Variants in CAGE1 observed in about 807,000 individuals in gnomAD.
CAGE1 encodes the protein cancer antigen 1.
A neutral mutation model predicts 94.9 loss-of-function variants in CAGE1; 66 were observed. The observed-to-expected ratio is 0.70, with a 90% CI of 0.57 to 0.85. The LOEUF is 0.85. Among genes scored for constraint, CAGE1 ranks in the 40% least tolerant of loss-of-function variants. The pLI is 0.00. For missense variants in CAGE1, 865 were observed against 950.4 expected (o/e 0.91, Z 1.18); for synonymous variants, 319 against 321.0 (o/e 0.99, Z 0.07).
intron 3 of CAGE1, 66 bp downstream of exon 3, chr6:7,385,719 G>T: frequency 1.1e-6 from 1 of 879,198 alleles, no homozygotes; most frequent in Non-Finnish European, 1.7e-6. Context: ...CCTGGCTATT[G>T]TTACTATCAC....
At chr6:7,341,901 C>T (rs143762436) in intron 11 of CAGE1, 8,267 of 695,418 alleles carry the variant, frequency 0.012, 71 homozygotes, top group Non-Finnish European at 0.017. Flanking sequence ...AATCAGGGTA[C>T]TGCAGCAAGA....
intron 3 of CAGE1, among the ~76,000 whole-genome samples, chr6:7,379,252 T>A (rs1289445116): frequency 6.6e-6 from 1 of 152,254 alleles, no homozygotes; most frequent in Non-Finnish European, 1.5e-5. Flanking sequence ...GTGTGTTATA[T>A]GTAATTCTGG....
chr6:7,347,821 G>A (rs1170663820), intron 11 of CAGE1, among the ~76,000 whole-genome samples: 3 of 152,090 alleles, frequency 2.0e-5, no homozygotes, highest in Non-Finnish European at 2.9e-5. Flanking sequence ...CGAACAACCT[G>A]CATGACTCAG....
chr6:7,332,684 AG>A (rs1464493434), intron 12 of CAGE1, among the ~76,000 whole-genome samples: 2 of 152,228 alleles, frequency 1.3e-5, no homozygotes, highest in African/African-American at 4.8e-5. Context: ...TAGGTAAAAG[AG>A]GTAGAATTAC....
At chr6:7,369,237 ACCTCAGGTGATCTGCCCG>A (rs1760460193) in intron 6 of CAGE1, among the ~76,000 whole-genome samples, 1 of 151,944 alleles carries the variant, frequency 6.6e-6, no homozygotes, top group South Asian at 2.1e-4. Context: ...CGAACTCCTG[ACCTCAGGTGATCTGCCCG>A]CCTCGGCCTC....
At chr6:7,345,449 T>C (rs979713114) in intron 11 of CAGE1, among the ~76,000 whole-genome samples, 14 of 152,178 alleles carry the variant, frequency 9.2e-5, no homozygotes, top group African/African-American at 3.1e-4. Flanking sequence ...ATTCTTGAAG[T>C]GAGACCAAGT....
In CAGE1 at chr6:7,365,493, C is replaced by T. The variant is rs1236442971; in HGVS notation, c.2168G>A (p.Ser723Asn). The change falls in exon 9 of 14, where the codon AGT becomes AAT. Residue 723 changes from serine to asparagine, a missense_variant. Transcript: ENST00000502583. The stretch of plus-strand genomic sequence containing the variant: ...CAAGAAATCAAGCTCCTCATTTAGA[C>T]TGTGGTACTTATCCAGTTTGGCTCC... The part of the protein sequence containing the change: ...LLGAKLDKYH[S>N]LNEELDFLIT... 6 of 1,613,288 alleles carry T rather than the reference C, an allele frequency of 3.7e-6. No homozygotes were observed. The African/African-American group carries it at 8.0e-5, about 22-fold the overall frequency.
intron 11 of CAGE1, chr6:7,342,159 A>G: frequency 9.8e-7 from 1 of 1,017,636 alleles, no homozygotes; most frequent in Non-Finnish European, 1.6e-6. Context: ...GAACTGGATC[A>G]GGCTGCCTGG....
At chr6:7,340,311 T>C (rs1031580821) in intron 11 of CAGE1, among the ~76,000 whole-genome samples, 4 of 152,246 alleles carry the variant, frequency 2.6e-5, no homozygotes, top group Non-Finnish European at 5.9e-5. Flanking sequence ...AGATTCTGTA[T>C]ATTAGCCCTT....
In CAGE1 at chr6:7,387,029, G is replaced by A. The variant is rs912795139; in HGVS notation, c.145C>T (p.His49Tyr). The change falls in exon 2 of 14, where the codon CAT (histidine) becomes TAT (tyrosine). Residue 49 changes from histidine (H) to tyrosine (Y), a missense_variant. His to Tyr is a moderately conservative substitution (Grantham distance 83). Coordinates refer to ENST00000502583, the MANE Select transcript of CAGE1 (RefSeq NM_001170692.2). ...GTGGTTTCCATACAGATTGGAGAATGTGAAAGCATTACACCTTGAGAAAGA... is the reference window on the plus strand; with the variant it reads ...GTGGTTTCCATACAGATTGGAGAATATGAAAGCATTACACCTTGAGAAAGA... ...SNLSQGVMLS[H>Y]SPICMETTGT... 5 of 1,551,944 alleles carry A rather than the reference G, an allele frequency of 3.2e-6. No individual in the cohort carries two copies. In the African/African-American group the frequency reaches 4.1e-5, roughly 13 times the overall value.
intron 13 of CAGE1, chr6:7,329,363 A>G (rs1348564906): frequency 1.5e-5 from 5 of 339,972 alleles, no homozygotes; most frequent in Non-Finnish European, 5.3e-6. Context: ...AGTGAACGGT[A>G]AGACTGGATA....
Position 7,339,987 on chromosome 6 carries a change from C to CT in CAGE1, c.2370-5898dup, listed in dbSNP as rs1339309799. ...AGTTCTACTTTTAGTTCTTTAAAGA[C>CT]TTTCCACACTGTTTTCCACAGTGGT... On this transcript the variant is annotated intron_variant, in intron 11 of 13. Transcript: ENST00000502583. The surrounding 1 kb of genome is among the most constrained non-coding windows in gnomAD (Gnocchi z 4.7). Among the ~76,000 whole-genome samples, 7 of 152,222 alleles carry CT rather than the reference C, an allele frequency of 4.6e-5. No individual in the cohort carries two copies. The highest frequency in any genetic ancestry group is 1.7e-4 in the African/African-American group (7 of 41,464).
chr6:7,373,214 C>T lies in CAGE1; in HGVS notation c.1605G>A (p.Gln535=). 6.2e-7 allele frequency: 1 copy of T among 1,611,798 alleles called. No individual in the cohort carries two copies. Among genetic ancestry groups the T allele is most frequent in the Non-Finnish European group, 8.5e-7 (1 of 1,178,678 alleles). Residue 535 remains glutamine (Q), a synonymous_variant, in exon 5 of 14, where the codon CAG becomes CAA. Transcript: ENST00000502583. ...TCTCATTTTTTACTTCGTTGATTTG[C>T]TGCTGAAGTTTTATATTCTTCGTTC... is the stretch of plus-strand genomic sequence containing the variant. ...NERTKNIKLQ[Q]QINEVKNENA... is the part of the protein sequence containing the mutation.
At chr6:7,344,029 A>C (rs1471426266) in intron 11 of CAGE1, among the ~76,000 whole-genome samples, 2 of 152,246 alleles carry the variant, frequency 1.3e-5, no homozygotes, top group Admixed American at 1.3e-4. Flanking sequence ...TAAGTGTTAG[A>C]AAGTGGTGAG....
chr6:7,346,117 A>G (rs1347568373), intron 11 of CAGE1, among the ~76,000 whole-genome samples: 2 of 152,248 alleles, frequency 1.3e-5, no homozygotes, highest in Non-Finnish European at 2.9e-5. Context: ...CAAGAAATAA[A>G]GGAATAAAAG....
In CAGE1 at chr6:7,370,038, G is replaced by A; in HGVS notation, c.1774C>T (p.Leu592Phe). 6.2e-7 allele frequency: 1 copy of A among 1,612,364 alleles called. No individual in the cohort carries two copies. Among genetic ancestry groups the A allele is most frequent in the South Asian group, 1.1e-5 (1 of 90,704 alleles). ...KDTKTTHSNL[L>F]PDCSPCEERL... The stretch of plus-strand genomic sequence containing the variant: ...TCTTCACAAGGTGAGCAATCCGGGA[G>A]CAGATTAGAATGTGTCGTTTTTGTA... Residue 592 changes from leucine (L) to phenylalanine (F), a missense_variant, in exon 6 of 14, where the codon CTC becomes TTC. Transcript: ENST00000502583.
At chr6:7,345,221 G>C (rs551807945) in intron 11 of CAGE1, among the ~76,000 whole-genome samples, 1 of 148,860 alleles carries the variant, frequency 6.7e-6, no homozygotes, top group East Asian at 2.0e-4. Context: ...GTTAGTATAA[G>C]CTACCAGCCT....
chr6:7,346,274 G>A (rs1284874507), intron 11 of CAGE1, among the ~76,000 whole-genome samples: 3 of 152,192 alleles, frequency 2.0e-5, no homozygotes, highest in African/African-American at 7.2e-5. Flanking sequence ...AGTAAATCAG[G>A]GCGGGTGCAG....
chr6:7,350,008 G>A (rs887760937), intron 11 of CAGE1, among the ~76,000 whole-genome samples: 6 of 151,498 alleles, frequency 4.0e-5, no homozygotes, highest in African/African-American at 1.5e-4. Context: ...GCTGCCTTCA[G>A]GAGACTTACC....
Sources: allele counts gnomAD v4.1 joint callset (sites outside exome capture counted in the v4.1 genomes callset), GRCh38; gene constraint gnomAD v4.1.1; non-coding constraint Gnocchi (gnomAD v3.1); transcripts MANE v1.5; gene names NCBI Gene and HGNC (gene_info 2026-07-23, HGNC 2026-07-21).